USP48: variants seen among roughly 807,000 people sequenced by gnomAD.
USP48 encodes the protein ubiquitin carboxyl-terminal hydrolase 48.
USP48 carries 43 observed loss-of-function variants against 150.7 expected under a neutral mutation model. That is an observed-to-expected ratio of 0.29 (90% CI 0.22 to 0.37). USP48 has a LOEUF of 0.37. USP48 is among the 10% of genes least tolerant of loss of function. USP48 has a pLI of 1.00. For synonymous variants in USP48, 396 were observed against 425.9 expected (o/e 0.93, Z 0.86); for missense variants, 813 against 1,249.6 (o/e 0.65, Z 5.27).
Position 21,744,712 on chromosome 1 carries a change from G to T in USP48, c.991+2355C>A, listed in dbSNP as rs1386484571. Among the ~76,000 whole-genome samples the T allele has an allele frequency of 2.0e-5, 3 of 149,414 alleles. No homozygotes were observed. In the Admixed American group the frequency reaches 2.0e-4, roughly 10 times the overall value. On this transcript the variant is annotated intron_variant, in intron 8 of 26. Transcript: ENST00000308271. Reference sequence around the variant, plus strand: ...GAATTGCTTGAACCCAGGAGATGGAGGGTGCAGTGAGCCGAGATCATGCCA... The same window carrying T: ...GAATTGCTTGAACCCAGGAGATGGATGGTGCAGTGAGCCGAGATCATGCCA...
At chr1:21,764,959 A>G (rs1460763410) in intron 1 of USP48, among the ~76,000 whole-genome samples, 1 of 152,214 alleles carries the variant, frequency 6.6e-6, no homozygotes, top group Non-Finnish European at 1.5e-5. Flanking sequence ...AGGTTTTAGG[A>G]GCTGTGCCAG....
At chr1:21,755,158 T>C (rs1209977545) in intron 3 of USP48, among the ~76,000 whole-genome samples, 1 of 152,228 alleles carries the variant, frequency 6.6e-6, no homozygotes, top group African/African-American at 2.4e-5. Context: ...CTAACTGGAC[T>C]ATATTTATCT....
At chr1:21,688,373 C>T (rs1379974749) in intron 24 of USP48, among the ~76,000 whole-genome samples, 1 of 151,916 alleles carries the variant, frequency 6.6e-6, no homozygotes, top group East Asian at 2.0e-4. Context: ...TGCCCACCAC[C>T]ACGCTTGGCC....
chr1:21,698,972 C>T (rs905881219), intron 22 of USP48, among the ~76,000 whole-genome samples: 13 of 152,226 alleles, frequency 8.5e-5, no homozygotes, highest in African/African-American at 3.1e-4. Flanking sequence ...ACGGTACTGC[C>T]AGCCAAACAG....
At position 21,783,064 on chromosome 1, in the gene USP48, C is replaced by T; in HGVS notation, c.-107G>A. 5.8e-6 allele frequency: 8 copies of T among 1,378,864 alleles called. No individual in the cohort carries two copies. Among genetic ancestry groups the T allele is most frequent in the Non-Finnish European group, 7.5e-6 (8 of 1,069,620 alleles). The allele number at this position is 1,378,864 out of a possible 1,614,324, so 85.4% of individuals were successfully genotyped here. On this transcript the variant is annotated 5_prime_UTR_variant, in exon 1 of 27. Coordinates refer to ENST00000308271, the MANE Select transcript of USP48 (RefSeq NM_032236.8). ...CCACCTGCCAGCAAGGAGGACCTGG[C>T]GCTCCTTCAGGCAGCTGGCCAGTCA...
intron 15 of USP48, among the ~76,000 whole-genome samples, chr1:21,709,512 T>C (rs960534443): frequency 2.0e-5 from 3 of 151,826 alleles, no homozygotes; most frequent in Non-Finnish European, 4.4e-5. Context: ...AAGATTAAGG[T>C]AGATTTCCAT....
chr1:21,753,398 T>C (rs1416960056), intron 3 of USP48, among the ~76,000 whole-genome samples: 1 of 149,362 alleles, frequency 6.7e-6, no homozygotes. Context: ...CTAAAAAAAA[T>C]ACAAATATTA....
rs1205153033 is a variant in USP48, at chr1:21,715,439, C to G, written c.1913G>C (p.Arg638Thr). Residue 638 changes from arginine (R) to threonine (T), a missense_variant, in exon 15 of 27, where the codon AGA becomes ACA. Physicochemically the swap from Arg to Thr is moderately conservative, Grantham distance 71. Transcript: ENST00000308271. ...AAAATTTAATTCCTCCTCTTCTTTT[C>G]TTTCTTCCTTTGATTCATCTAATCA... ...TLNKDESKEE[R>T]KEEEELNFNE... 1 of 1,583,166 alleles carries G rather than the reference C, an allele frequency of 6.3e-7. No individual in the cohort carries two copies. Among genetic ancestry groups the G allele is most frequent in the South Asian group, 1.1e-5 (1 of 90,168 alleles).
chr1:21,720,572 A>C (rs2097717679), intron 14 of USP48, among the ~76,000 whole-genome samples: 1 of 151,378 alleles, frequency 6.6e-6, no homozygotes, highest in South Asian at 2.1e-4. Flanking sequence ...CTGCCGCCCA[A>C]GCTGCAGTGT....
At chr1:21,699,414 G>A (rs2097648281) in intron 22 of USP48, among the ~76,000 whole-genome samples, 1 of 150,182 alleles carries the variant, frequency 6.7e-6, no homozygotes, top group South Asian at 2.1e-4. Context: ...TAGCCAGGAT[G>A]GTCTCAATCT....
intron 1 of USP48, among the ~76,000 whole-genome samples, chr1:21,759,870 A>G (rs2097845955): frequency 6.6e-6 from 1 of 152,212 alleles, no homozygotes; most frequent in African/African-American, 2.4e-5. Flanking sequence ...ATCATCACGG[A>G]TGCTAACGTA....
intron 25 of USP48, among the ~76,000 whole-genome samples, chr1:21,684,302 C>T (rs1022220646): frequency 1.3e-5 from 2 of 152,104 alleles, no homozygotes; most frequent in East Asian, 1.9e-4. Flanking sequence ...ATGTTATTGT[C>T]TTTTTGATAA....
intron 1 of USP48, among the ~76,000 whole-genome samples, chr1:21,773,055 A>C (rs1054359667): frequency 1.3e-5 from 2 of 151,672 alleles, no homozygotes; most frequent in African/African-American, 4.8e-5. Flanking sequence ...TCAGGAGTTC[A>C]AGACCAGCCT....
Position 21,728,732 on chromosome 1 carries a change from G to A in USP48, c.1301-13C>T, listed in dbSNP as rs1180265627. ...TCTTGAAGAAAGGCTATTCAAAACA[G>A]AAAGACAAAAAACAACTTTATTCTT... On this transcript the variant is annotated splice_polypyrimidine_tract_variant and intron_variant, in intron 10 of 26. Coordinates refer to ENST00000308271, the MANE Select transcript of USP48 (RefSeq NM_032236.8). The A allele has an allele frequency of 1.2e-6, 2 of 1,609,784 alleles. No homozygotes were observed. Among genetic ancestry groups the A allele is most frequent in the Admixed American group, 1.7e-5 (1 of 58,768 alleles).
At chr1:21,716,824 C>T (rs556646494) in intron 14 of USP48, among the ~76,000 whole-genome samples, 8 of 151,322 alleles carry the variant, frequency 5.3e-5, no homozygotes, top group African/African-American at 1.5e-4. Flanking sequence ...ATCAGGAGAT[C>T]GAGACCATCC....
chr1:21,752,436 G>A, intron 5 of USP48, 91 bp downstream of exon 5: 4 of 1,468,090 alleles, frequency 2.7e-6, no homozygotes, highest in Non-Finnish European at 3.7e-6. Context: ...AACCACTAAA[G>A]CTACAACCTG....
intron 1 of USP48, among the ~76,000 whole-genome samples, chr1:21,759,181 C>CAAAAAAAAAAAAAAAAAAAAAAAAAAAAA (rs11341963): frequency 1.4e-5 from 1 of 69,252 alleles, no homozygotes; most frequent in African/African-American, 6.1e-5. Context: ...GACACGGTCT[C>CAAAAAAAAAAAAAAAAAAAAAAAAAAAAA]AAAAAAAAAA....
chr1:21,720,903 G>A (rs1219021134), intron 14 of USP48, 133 bp downstream of exon 14: 26 of 1,187,628 alleles, frequency 2.2e-5, no homozygotes, highest in African/African-American at 6.1e-5. Flanking sequence ...TGGCACAACC[G>A]CTGGGCTCAA....
At chr1:21,729,132 A>T (rs1028497018) in intron 10 of USP48, among the ~76,000 whole-genome samples, 13 of 151,966 alleles carry the variant, frequency 8.6e-5, no homozygotes, top group African/African-American at 2.9e-4. Context: ...AAAATACAAA[A>T]ATTAGCTGGG....
Sources: allele counts gnomAD v4.1 joint callset (sites outside exome capture counted in the v4.1 genomes callset), GRCh38; gene constraint gnomAD v4.1.1; transcripts MANE v1.5; gene names NCBI Gene and HGNC (gene_info 2026-07-23, HGNC 2026-07-21).